Variants in CFAP57 observed in about 807,000 individuals in gnomAD.
CFAP57 encodes the protein cilia and flagella associated protein 57, also known as cilia- and flagella-associated protein 57.
In CFAP57, 116 loss-of-function variants were observed where a neutral mutation model predicts 146.8. That is an observed-to-expected ratio of 0.79 (90% CI 0.68 to 0.92). CFAP57 has a LOEUF of 0.92. Ranked by LOEUF, CFAP57 falls within the 40% of genes least tolerant of loss-of-function variation. The pLI is 0.00. For synonymous variants in CFAP57, 518 were observed against 552.8 expected (o/e 0.94, Z 0.88); for missense variants, 1,377 against 1,527.2 (o/e 0.90, Z 1.64).
At chr1:43,195,347 C>T (rs1247500627) in intron 6 of CFAP57, among the ~76,000 whole-genome samples, 4 of 151,984 alleles carry the variant, frequency 2.6e-5, no homozygotes, top group African/African-American at 7.3e-5. Flanking sequence ...CATGGTGAAA[C>T]CCCGTCTCTA....
intron 12 of CFAP57, among the ~76,000 whole-genome samples, chr1:43,218,026 CCTT>C (rs1171246386): frequency 2.0e-5 from 3 of 152,192 alleles, no homozygotes; most frequent in Non-Finnish European, 4.4e-5. Context: ...TTGTGCTTAT[CCTT>C]CTTCTCAGTA....
At chr1:43,207,377 G>A (rs1156489714) in intron 10 of CFAP57, among the ~76,000 whole-genome samples, 2 of 152,164 alleles carry the variant, frequency 1.3e-5, no homozygotes, top group African/African-American at 4.8e-5. Flanking sequence ...AATGTTCACT[G>A]TACCTTTTCT....
In CFAP57 at chr1:43,185,321, G is replaced by A; in HGVS notation, c.934G>A (p.Glu312Lys). 2 of 1,614,094 alleles carry A rather than the reference G, an allele frequency of 1.2e-6. No individual in the cohort carries two copies. Among genetic ancestry groups the A allele is most frequent in the Non-Finnish European group, 1.7e-6 (2 of 1,180,020 alleles). ...GRVLLFEKME[E>K]KDFYRESREI... ...AGTTCTGCTGTTTGAGAAGATGGAA[G>A]AAAAGGATTTTTACCGTGAGAGCAG... Residue 312 changes from glutamate (E) to lysine (K), a missense_variant, in exon 5 of 23, where the codon GAA (glutamate) becomes AAA (lysine). Transcript: ENST00000372492.
intron 2 of CFAP57, among the ~76,000 whole-genome samples, chr1:43,176,129 CT>C (rs1645162799): frequency 6.6e-6 from 1 of 152,128 alleles, no homozygotes; most frequent in African/African-American, 2.4e-5. Flanking sequence ...AGCAACCACC[CT>C]GTGCCCATCC....
In CFAP57 at chr1:43,210,012, T is replaced by C. The variant is rs777921458; in HGVS notation, c.1929+96T>C. Reference sequence around the variant, plus strand: ...CCTCCCAATGTCTTTTCTCTCTCCTTCTTCTCTCTTATTTATTCATCCATC... The same window carrying C: ...CCTCCCAATGTCTTTTCTCTCTCCTCCTTCTCTCTTATTTATTCATCCATC... On this transcript the variant is annotated intron_variant, in intron 11 of 22. Coordinates refer to ENST00000372492, the MANE Select transcript of CFAP57 (RefSeq NM_001378189.1). 4.3e-6 allele frequency: 7 copies of C among 1,613,342 alleles called. No individual in the cohort carries two copies. The South Asian group carries it at 4.4e-5, about 10-fold the overall frequency.
chr1:43,186,657 A>ACAAT, intron 5 of CFAP57, 50 bp from the exon 6 acceptor site: 2 of 1,552,070 alleles, frequency 1.3e-6, no homozygotes, highest in Non-Finnish European at 1.8e-6. Flanking sequence ...GCCTAAGGCC[A>ACAAT]CAATGACAAC....
chr1:43,239,286 G>T (rs781660783), intron 21 of CFAP57, among the ~76,000 whole-genome samples: 1 of 152,164 alleles, frequency 6.6e-6, no homozygotes, highest in Non-Finnish European at 1.5e-5. Context: ...TGCACTGAGT[G>T]GTGGGCCTCA....
intron 21 of CFAP57, among the ~76,000 whole-genome samples, chr1:43,239,705 TA>T (rs1557828891): frequency 6.6e-6 from 1 of 152,162 alleles, no homozygotes; most frequent in Non-Finnish European, 1.5e-5. Flanking sequence ...TGATGATTGT[TA>T]TTGAGTTATT....
intron 3 of CFAP57, 98 bp downstream of exon 3, chr1:43,181,948 C>A (rs1348726002): frequency 8.0e-6 from 11 of 1,371,096 alleles, no homozygotes; most frequent in Non-Finnish European, 1.1e-5. Flanking sequence ...TTCCTCCATG[C>A]ATTTTAAAAT....
At chr1:43,242,340 G>C (rs1022716253) in intron 21 of CFAP57, among the ~76,000 whole-genome samples, 7 of 152,136 alleles carry the variant, frequency 4.6e-5, no homozygotes, top group Non-Finnish European at 8.8e-5. Flanking sequence ...AACTCCTCAA[G>C]AGCAGAAGCT....
At chr1:43,226,654 T>G (rs1305368197) in intron 17 of CFAP57, among the ~76,000 whole-genome samples, 1 of 152,218 alleles carries the variant, frequency 6.6e-6, no homozygotes, top group Non-Finnish European at 1.5e-5. Context: ...TTCCACCTCC[T>G]GATGGAGAAG....
intron 18 of CFAP57, chr1:43,232,274 TC>T: frequency 1.7e-6 from 1 of 589,902 alleles, no homozygotes; most frequent in Non-Finnish European, 3.0e-6. Context: ...AGGGAAAACT[TC>T]CCAGCCTGGC....
intron 3 of CFAP57, among the ~76,000 whole-genome samples, chr1:43,182,309 C>A (rs1228131010): frequency 6.6e-6 from 1 of 152,170 alleles, no homozygotes; most frequent in Non-Finnish European, 1.5e-5. Flanking sequence ...AGGAACAGAA[C>A]CTTCTATTGT....
In CFAP57 at chr1:43,254,345, G is replaced by T; in HGVS notation, c.*154G>T. 1 of 677,466 alleles carries T rather than the reference G, an allele frequency of 1.5e-6. No homozygotes were observed. The highest frequency in any genetic ancestry group is 2.4e-6 in the Non-Finnish European group (1 of 412,118). 42.0% of individuals were successfully genotyped at this position (677,466 alleles called of 1,614,324 possible). A position where few individuals can be genotyped will look rare whatever the true frequency, so the allele number is the denominator to read the frequency against. On this transcript the variant is annotated 3_prime_UTR_variant, in exon 23 of 23. Transcript: ENST00000372492. ...TGGGGAATTTGGGACACAGAATAAA[G>T]GTGTTTGCCCACACCTTGTCTAACT...
At chr1:43,210,860 TAAAA>T (rs1017113023) in intron 11 of CFAP57, 3 of 148,334 alleles carry the variant, frequency 2.0e-5, no homozygotes, top group African/African-American at 7.5e-5. Flanking sequence ...AAAAATGAAA[TAAAA>T]AAGAATTATC....
chr1:43,230,633 C>A (rs1294067534), intron 18 of CFAP57, among the ~76,000 whole-genome samples: 1 of 152,194 alleles, frequency 6.6e-6, no homozygotes. Context: ...CTCTGGTCCT[C>A]TCTGTGTGCA....
chr1:43,228,709 C>T (rs12084596), intron 18 of CFAP57, among the ~76,000 whole-genome samples: 9,392 of 148,942 alleles, frequency 0.063, 1,331 homozygotes, highest in South Asian at 0.18. Flanking sequence ...CTTTCAGGGC[C>T]CCAAAATGGC....
chr1:43,234,188 TCC>T, intron 19 of CFAP57, 89 bp from the exon 20 acceptor site: 1 of 1,363,866 alleles, frequency 7.3e-7, no homozygotes, highest in South Asian at 1.6e-5. Context: ...GCATCTCTTT[TCC>T]CTTTCTGTGC....
intron 5 of CFAP57, among the ~76,000 whole-genome samples, chr1:43,186,185 T>G (rs2124323035): frequency 6.6e-6 from 1 of 152,032 alleles, no homozygotes; most frequent in East Asian, 1.9e-4. Flanking sequence ...GAAGTTGCAT[T>G]GAGCCAAGAT....
Sources: gnomAD v4.1 joint callset for allele counts (sites outside exome capture counted in the v4.1 genomes callset) on GRCh38, gnomAD v4.1.1 for gene constraint, MANE v1.5 for transcripts, NCBI Gene and HGNC (gene_info 2026-07-23, HGNC 2026-07-21) for gene names.